Variants in NLGN1 observed in about 807,000 individuals in gnomAD.
NLGN1 encodes the protein neuroligin 1, also known as neuroligin-1.
In NLGN1, 12 loss-of-function variants were observed where a neutral mutation model predicts 65.5. The ratio of observed to expected loss-of-function variants is 0.18; its 90% CI spans 0.12 to 0.30. The LOEUF is 0.30. Ranked by LOEUF, NLGN1 falls within the 10% of genes least tolerant of loss-of-function variation. NLGN1 has a pLI of 1.00. For synonymous variants in NLGN1, 350 were observed against 359.5 expected, an observed-to-expected ratio of 0.97 and a Z score of 0.30; for missense variants, 750 against 1,007.1, an observed-to-expected ratio of 0.74 and a Z score of 3.46.
At chr3:173,529,255 G>T (rs1736149503) in intron 2 of NLGN1, among the ~76,000 whole-genome samples, 1 of 152,158 alleles carries the variant, frequency 6.6e-6, no homozygotes, top group Non-Finnish European at 1.5e-5. Flanking sequence ...TGACCTACCG[G>T]CCAGTAGGTG....
At chr3:173,646,067 G>A (rs545029218) in intron 3 of NLGN1, among the ~76,000 whole-genome samples, 10 of 152,230 alleles carry the variant, frequency 6.6e-5, no homozygotes, top group African/African-American at 2.4e-4. Flanking sequence ...TATTCCCTGA[G>A]GAGAGGGGTC....
At chr3:174,124,814 T>G (rs1421973696) in intron 4 of NLGN1, among the ~76,000 whole-genome samples, 2 of 151,816 alleles carry the variant, frequency 1.3e-5, no homozygotes, top group Admixed American at 1.3e-4. Context: ...ACACAGAATT[T>G]TATGGGAGCA....
At chr3:173,601,752 G>T (rs140483255) in intron 2 of NLGN1, among the ~76,000 whole-genome samples, 1 of 151,830 alleles carries the variant, frequency 6.6e-6, no homozygotes, top group African/African-American at 2.4e-5. Context: ...GTGTAATGAC[G>T]TAAGAGAAAC....
At chr3:173,457,321 C>T (rs1018136410) in intron 2 of NLGN1, among the ~76,000 whole-genome samples, 4 of 152,034 alleles carry the variant, frequency 2.6e-5, no homozygotes, top group African/African-American at 9.7e-5. Flanking sequence ...CCATGAAGCA[C>T]AGTTGCTGCA....
chr3:173,512,687 G>C (rs1036817083), intron 2 of NLGN1, among the ~76,000 whole-genome samples: 2 of 152,152 alleles, frequency 1.3e-5, no homozygotes, highest in African/African-American at 4.8e-5. Flanking sequence ...TTTGGGCTGC[G>C]AGTTTCAGGC....
intron 4 of NLGN1, among the ~76,000 whole-genome samples, chr3:174,062,419 G>C (rs542693166): frequency 6.6e-6 from 1 of 152,032 alleles, no homozygotes; most frequent in Admixed American, 6.6e-5. Context: ...TGGCTAAATG[G>C]CCAATGTATC....
intron 4 of NLGN1, among the ~76,000 whole-genome samples, chr3:174,046,091 T>G (rs1398824020): frequency 6.6e-6 from 1 of 152,172 alleles, no homozygotes; most frequent in Non-Finnish European, 1.5e-5. Flanking sequence ...TCAATATATG[T>G]GAGATTTATT....
chr3:174,139,639 A>G (rs185861941), intron 4 of NLGN1, among the ~76,000 whole-genome samples: 9 of 152,176 alleles, frequency 5.9e-5, no homozygotes, highest in African/African-American at 2.2e-4. Flanking sequence ...AAGGGGAAAA[A>G]TGCTGGATTG....
intron 4 of NLGN1, among the ~76,000 whole-genome samples, chr3:174,256,202 A>T (rs1220576639): frequency 6.6e-6 from 1 of 152,170 alleles, no homozygotes; most frequent in Non-Finnish European, 1.5e-5. Flanking sequence ...GCTAGGTGTC[A>T]GGAACACAAA....
intron 4 of NLGN1, among the ~76,000 whole-genome samples, chr3:173,848,699 A>G (rs1266304103): frequency 1.3e-5 from 2 of 152,124 alleles, no homozygotes; most frequent in Admixed American, 1.3e-4. Context: ...AGTATGAACA[A>G]TTACCTTCCA....
In NLGN1 at chr3:173,539,352, C is replaced by T. The variant is rs546765335; in HGVS notation, c.-320-64927C>T. ...TGCAACTCACTTGTGCTTTCAGGAT[C>T]TGTTTGGGCTCCATCATATATATGT... On this transcript the variant is annotated intron_variant, in intron 2 of 6. Transcript: ENST00000457714. Among the ~76,000 whole-genome samples, 94 of 149,356 alleles carry T rather than the reference C, an allele frequency of 6.3e-4. 1 individual carries two copies. The highest frequency in any genetic ancestry group is 6.7e-4 in the Non-Finnish European group (45 of 67,490).
intron 4 of NLGN1, among the ~76,000 whole-genome samples, chr3:173,822,686 G>T (rs759334627): frequency 6.6e-6 from 1 of 151,882 alleles, no homozygotes; most frequent in African/African-American, 2.4e-5. Flanking sequence ...TTTCTGATCC[G>T]TTAATATAGG....
chr3:173,634,257 G>A (rs959275029), intron 3 of NLGN1, among the ~76,000 whole-genome samples: 2 of 151,962 alleles, frequency 1.3e-5, no homozygotes, highest in Non-Finnish European at 2.9e-5. Flanking sequence ...ATGATAAAAT[G>A]TGGTTTAAAA....
chr3:173,589,762 G>T (rs1748142980), intron 2 of NLGN1, among the ~76,000 whole-genome samples: 1 of 152,126 alleles, frequency 6.6e-6, no homozygotes, highest in Non-Finnish European at 1.5e-5. Flanking sequence ...TTTGTCATCA[G>T]TTTTTTGTAA....
chr3:173,602,095 G>A (rs35932697), intron 2 of NLGN1, among the ~76,000 whole-genome samples: 14,059 of 151,996 alleles, frequency 0.092, 888 homozygotes, highest in East Asian at 0.13. Flanking sequence ...CCTGGCCAAG[G>A]TAAAAATTAA....
intron 2 of NLGN1, among the ~76,000 whole-genome samples, chr3:173,516,313 C>T (rs570069766): frequency 1.4e-4 from 21 of 152,130 alleles, no homozygotes; most frequent in Admixed American, 9.8e-4. Context: ...TATGTCTAAT[C>T]CATACAACTC....
rs182929008 is a variant in NLGN1 at position 174,071,182 on chromosome 3, C to A, written c.647-204133C>A. 4.6e-5 allele frequency among the ~76,000 whole-genome samples: 7 copies of A among 152,232 alleles called. No homozygotes were observed. The East Asian group carries it at 1.3e-3, about 29-fold the overall frequency. On this transcript the variant is annotated intron_variant, in intron 4 of 6. Coordinates refer to ENST00000457714, the Ensembl canonical transcript of NLGN1. ...AGGGAAGAAAAACAGGGAAGTGAGG[C>A]AGCTTTTAGTTTTTTGACACTTTAG...
chr3:174,265,329 G>A (rs6790209), intron 4 of NLGN1, among the ~76,000 whole-genome samples: 25,008 of 151,776 alleles, frequency 0.16, 2,513 homozygotes, highest in African/African-American at 0.28. Flanking sequence ...AGCAATCAGT[G>A]AGACTCCGTG....
intron 2 of NLGN1, among the ~76,000 whole-genome samples, chr3:173,603,650 T>C (rs568677150): frequency 5.3e-5 from 8 of 152,258 alleles, no homozygotes; most frequent in African/African-American, 1.9e-4. Context: ...TCTTGAATCT[T>C]AATTTCAAAT....
Sources: allele counts gnomAD v4.1 joint callset (sites outside exome capture counted in the v4.1 genomes callset), GRCh38; gene constraint gnomAD v4.1.1; transcripts MANE v1.5; gene names NCBI Gene and HGNC (gene_info 2026-07-23, HGNC 2026-07-21).